KCNMA1: variants seen among roughly 807,000 people sequenced by gnomAD.
KCNMA1 encodes the protein potassium calcium-activated channel subfamily M alpha 1, also known as Calcium-activated potassium channel subunit alpha-1.
In KCNMA1, 29 loss-of-function variants were observed where a neutral mutation model predicts 140.0. The observed-to-expected ratio is 0.21, with a 90% CI of 0.15 to 0.28. KCNMA1 has a LOEUF of 0.28. Among genes scored for constraint, KCNMA1 ranks in the 10% least tolerant of loss-of-function variants. The pLI, the probability that KCNMA1 is intolerant of heterozygous loss-of-function variation, is 1.00. For missense variants in KCNMA1, 880 were observed against 1,602.2 expected, an observed-to-expected ratio of 0.55 and a Z score of 7.70; for synonymous variants, 612 against 611.9, an observed-to-expected ratio of 1.00 and a Z score of 0.00.
rs11298052 is a variant in KCNMA1 at position 77,128,393 on chromosome 10, A to ATT, written c.809-7347_809-7346dup. ...TTTGGCCATCCCCATCATATAGATA[A>ATT]TTTTTTTTTTTTTTTTTTTACTGCA... On this transcript the variant is annotated intron_variant, in intron 5 of 27. Transcript: ENST00000286628. Among the ~76,000 whole-genome samples, 1,030 of 126,050 alleles carry ATT rather than the reference A, an allele frequency of 8.2e-3. 10 individuals are homozygous for ATT. The highest frequency in any genetic ancestry group is 0.026 in the African/African-American group (850 of 32,680). 82.7% of individuals were successfully genotyped at this position (126,050 alleles called of 152,430 possible). A position where few individuals can be genotyped will look rare whatever the true frequency, so the allele number is the denominator to read the frequency against.
In KCNMA1 at chr10:77,432,302, G is replaced by A. The variant is rs116097285; in HGVS notation, c.379-28279C>T. Among the ~76,000 whole-genome samples, 374 of 152,262 alleles carry A rather than the reference G, an allele frequency of 2.5e-3. 3 individuals are homozygous for A. Among genetic ancestry groups the A allele is most frequent in the African/African-American group, 8.7e-3 (361 of 41,532 alleles). Reference sequence around the variant, plus strand: ...TTATGAGCACTATTCTAGGCACTGCGTGAGGCTGGGAAGGCCCTGCTCACC... The same window carrying A: ...TTATGAGCACTATTCTAGGCACTGCATGAGGCTGGGAAGGCCCTGCTCACC... On this transcript the variant is annotated intron_variant, in intron 1 of 27. Coordinates refer to ENST00000286628, the MANE Select transcript of KCNMA1 (RefSeq NM_001161352.2).
chr10:77,368,559 A>G (rs867063923), intron 2 of KCNMA1, among the ~76,000 whole-genome samples: 1 of 152,240 alleles, frequency 6.6e-6, no homozygotes, highest in Middle Eastern at 3.4e-3. Context: ...TGTCTAAGTG[A>G]TCCATTTTTC....
intron 5 of KCNMA1, among the ~76,000 whole-genome samples, chr10:77,156,287 T>C (rs1302576906): frequency 1.3e-5 from 2 of 151,950 alleles, no homozygotes; most frequent in Non-Finnish European, 2.9e-5. Context: ...ACCTTCATCT[T>C]TTCTCCTAAT....
rs148338103 is a variant in KCNMA1, at chr10:77,601,291, A to G, written c.378+35974T>C. 3.5e-4 allele frequency among the ~76,000 whole-genome samples: 54 copies of G among 152,250 alleles called. No homozygotes were observed. In the East Asian group the frequency reaches 9.7e-3, roughly 27 times the overall value. Reference sequence around the variant, plus strand: ...TCCAGGGACATCAGCCACCTTTACTATCTCCACCCCAAAGCCTCATGAGTG... The same window carrying G: ...TCCAGGGACATCAGCCACCTTTACTGTCTCCACCCCAAAGCCTCATGAGTG... On this transcript the variant is annotated intron_variant, in intron 1 of 27. Transcript: ENST00000286628.
chr10:77,122,957 T>C lies in KCNMA1; in HGVS notation c.809-1909A>G, dbSNP rs1254507363. Among the ~76,000 whole-genome samples, 5 of 151,706 alleles carry C rather than the reference T, an allele frequency of 3.3e-5. No homozygotes were observed. The East Asian group carries it at 9.7e-4, about 30-fold the overall frequency. ...ACTTTGGGAGGCCGAGGCGGGAGGA[T>C]CACGAGGTCAGGAGATCGAGACCAT... On this transcript the variant is annotated intron_variant, in intron 5 of 27. Coordinates refer to ENST00000286628, the MANE Select transcript of KCNMA1 (RefSeq NM_001161352.2).
chr10:77,085,456 G>A (rs961333993), intron 11 of KCNMA1, among the ~76,000 whole-genome samples: 1 of 152,136 alleles, frequency 6.6e-6, no homozygotes, highest in African/African-American at 2.4e-5. Context: ...AATAACAATT[G>A]TCCCTACGTT....
intron 1 of KCNMA1, among the ~76,000 whole-genome samples, chr10:77,556,564 T>C (rs2064543068): frequency 7.1e-6 from 1 of 140,572 alleles, no homozygotes. Context: ...TCTATGGAAG[T>C]GATGATGATG....
At chr10:77,198,311 G>A (rs1315400870) in intron 3 of KCNMA1, among the ~76,000 whole-genome samples, 1 of 151,974 alleles carries the variant, frequency 6.6e-6, no homozygotes, top group Non-Finnish European at 1.5e-5. Flanking sequence ...AGTGTTGAAG[G>A]AACCCAACAG....
intron 1 of KCNMA1, among the ~76,000 whole-genome samples, chr10:77,517,604 C>T (rs2051039952): frequency 6.6e-6 from 1 of 152,174 alleles, no homozygotes; most frequent in Non-Finnish European, 1.5e-5. Context: ...CAGCCCCTCC[C>T]AGCAGCAGTG....
At chr10:77,476,561 G>A (rs1430802665) in intron 1 of KCNMA1, among the ~76,000 whole-genome samples, 2 of 152,212 alleles carry the variant, frequency 1.3e-5, no homozygotes, top group Non-Finnish European at 2.9e-5. Context: ...CAGGTCCTGA[G>A]CGGGTCAGAG....
intron 1 of KCNMA1, among the ~76,000 whole-genome samples, chr10:77,444,765 G>A (rs760022440): frequency 7.2e-5 from 11 of 152,102 alleles, no homozygotes; most frequent in Admixed American, 2.0e-4. Flanking sequence ...TGAGTCCCAG[G>A]GAGCAGCTGG....
At chr10:77,127,059 AACACACACACAAAC>A (rs1253276188) in intron 5 of KCNMA1, among the ~76,000 whole-genome samples, 1 of 133,214 alleles carries the variant, frequency 7.5e-6, no homozygotes, top group Admixed American at 7.8e-5. Flanking sequence ...AAAGCCCAGA[AACACACACACAAAC>A]ACACACACAC....
chr10:77,532,674 A>C (rs1362473182), intron 1 of KCNMA1, among the ~76,000 whole-genome samples: 1 of 152,150 alleles, frequency 6.6e-6, no homozygotes, highest in Non-Finnish European at 1.5e-5. Flanking sequence ...TCCATGGGGG[A>C]AGAGGGTGGT....
At chr10:77,074,400 GAT>G (rs1474609676) in intron 13 of KCNMA1, among the ~76,000 whole-genome samples, 1 of 152,214 alleles carries the variant, frequency 6.6e-6, no homozygotes, top group Non-Finnish European at 1.5e-5. Context: ...GAGGGAAAAT[GAT>G]CAACTGAATA....
intron 2 of KCNMA1, among the ~76,000 whole-genome samples, chr10:77,358,202 T>C (rs1350861367): frequency 6.6e-6 from 1 of 152,086 alleles, no homozygotes; most frequent in African/African-American, 2.4e-5. Flanking sequence ...GAACTGGTCC[T>C]CTCTCTCCGG....
chr10:77,383,956 T>C (rs1490246302), intron 2 of KCNMA1, among the ~76,000 whole-genome samples: 1 of 152,222 alleles, frequency 6.6e-6, no homozygotes, highest in East Asian at 1.9e-4. Context: ...CTCAGCCAGC[T>C]CATGGGCATC....
At chr10:77,623,809 G>A (rs751440380) in intron 1 of KCNMA1, among the ~76,000 whole-genome samples, 1 of 152,200 alleles carries the variant, frequency 6.6e-6, no homozygotes, top group Middle Eastern at 3.4e-3. Flanking sequence ...ATTTTTGCCT[G>A]GATTGCAGCA....
At chr10:77,086,061 T>G (rs2096683779) in intron 11 of KCNMA1, among the ~76,000 whole-genome samples, 1 of 152,182 alleles carries the variant, frequency 6.6e-6, no homozygotes, top group South Asian at 2.1e-4. Flanking sequence ...AAAATTTTAT[T>G]TTATATTTTA....
At chr10:76,898,814 A>G (rs944946651) in intron 25 of KCNMA1, among the ~76,000 whole-genome samples, 6 of 151,974 alleles carry the variant, frequency 3.9e-5, no homozygotes, top group Admixed American at 6.6e-5. Flanking sequence ...TAAATACAAC[A>G]GAATTATAAT....
Sources: gnomAD v4.1 joint callset for allele counts (sites outside exome capture counted in the v4.1 genomes callset) on GRCh38, gnomAD v4.1.1 for gene constraint, MANE v1.5 for transcripts, NCBI Gene and HGNC (gene_info 2026-07-23, HGNC 2026-07-21) for gene names.